The following PAPPA2 variants were observed in gnomAD, a reference collection of about 807,000 sequenced individuals.
The protein encoded by PAPPA2 is pappalysin 2, also known as pappalysin-2.
A neutral mutation model predicts 176.4 loss-of-function variants in PAPPA2; 86 were observed. The ratio of observed to expected loss-of-function variants is 0.49; its 90% CI spans 0.41 to 0.58. The LOEUF (loss-of-function observed/expected upper bound fraction) is 0.58, where lower values mean the gene tolerates loss of function less well. Ranked by LOEUF, PAPPA2 falls within the 20% of genes least tolerant of loss-of-function variation. The pLI is 0.00. For missense variants in PAPPA2, 2,073 were observed against 2,256.9 expected (o/e 0.92, Z 1.65); for synonymous variants, 809 against 852.2 (o/e 0.95, Z 0.88).
intron 3 of PAPPA2, among the ~76,000 whole-genome samples, chr1:176,666,647 C>T (rs941014747): frequency 6.9e-6 from 1 of 145,704 alleles, no homozygotes; most frequent in Admixed American, 6.8e-5. Context: ...GACCCAGTGA[C>T]CCAGTGATAG....
intron 3 of PAPPA2, among the ~76,000 whole-genome samples, chr1:176,644,877 G>A (rs1657308371): frequency 6.6e-6 from 1 of 151,806 alleles, no homozygotes; most frequent in South Asian, 2.1e-4. Context: ...GAAGAAATAT[G>A]CATGCAATTT....
chr1:176,631,498 A>G (rs1656336631), intron 3 of PAPPA2, among the ~76,000 whole-genome samples: 1 of 152,180 alleles, frequency 6.6e-6, no homozygotes, highest in Non-Finnish European at 1.5e-5. Flanking sequence ...TGCACTAAAA[A>G]CATTGAATTG....
At chr1:176,694,042 G>A (rs1432266499) in intron 6 of PAPPA2, among the ~76,000 whole-genome samples, 1 of 152,158 alleles carries the variant, frequency 6.6e-6, no homozygotes, top group Non-Finnish European at 1.5e-5. Flanking sequence ...CTGCAGTTTT[G>A]AGACCTCCCA....
intron 21 of PAPPA2, among the ~76,000 whole-genome samples, chr1:176,804,779 CTG>C (rs986207400): frequency 2.0e-5 from 3 of 152,290 alleles, no homozygotes; most frequent in African/African-American, 7.2e-5. Context: ...TTTGAAATAA[CTG>C]GGGCTCAGAA....
At chr1:176,544,931 G>A (rs1380480378) in intron 1 of PAPPA2, among the ~76,000 whole-genome samples, 1 of 152,122 alleles carries the variant, frequency 6.6e-6, no homozygotes, top group East Asian at 1.9e-4. Flanking sequence ...ATATGGCAAG[G>A]TATGGGGAAG....
chr1:176,761,563 A>C (rs1237403430), intron 14 of PAPPA2, among the ~76,000 whole-genome samples: 1 of 152,222 alleles, frequency 6.6e-6, no homozygotes, highest in Non-Finnish European at 1.5e-5. Context: ...TTGGACTATT[A>C]GATATGCTAT....
At chr1:176,714,544 G>A (rs1413079387) in intron 12 of PAPPA2, among the ~76,000 whole-genome samples, 4 of 152,046 alleles carry the variant, frequency 2.6e-5, no homozygotes, top group Non-Finnish European at 5.9e-5. Context: ...AATAAAACCT[G>A]TTTTTTAATG....
At position 176,816,152 on chromosome 1, in the gene PAPPA2, GTATATATATATATATATATATATATATA is replaced by G. The variant is rs373739173; in HGVS notation, c.5202+16038_5202+16065del. Among the ~76,000 whole-genome samples, 29 of 42,280 alleles carry G rather than the reference GTATATATATATATATATATATATATATA, an allele frequency of 6.9e-4. 1 individual carries two copies. The highest frequency in any genetic ancestry group is 6.1e-3 in the South Asian group (5 of 818). 27.7% of individuals were successfully genotyped at this position (42,280 alleles called of 152,430 possible). On this transcript the variant is annotated intron_variant, in intron 21 of 22. Transcript: ENST00000367662. ...CTGAGATTTATTTTCCTTTCACAGTGTATATATATATATATATATATATATATATATATATATATATATATGTACACAT... is the reference window on the plus strand; with the variant it reads ...CTGAGATTTATTTTCCTTTCACAGTGTATATATATATATATATGTACACAT...
intron 12 of PAPPA2, among the ~76,000 whole-genome samples, chr1:176,715,450 T>A (rs553421311): frequency 2.0e-5 from 3 of 152,256 alleles, no homozygotes; most frequent in African/African-American, 7.2e-5. Context: ...ACAGACCCAA[T>A]GTGGCTGCAA....
rs556880212 is a variant in PAPPA2 at position 176,731,609 on chromosome 1, G to A, written c.3799-8017G>A. ...TTACAGAAGTGAGCCACCATGCCCG[G>A]CATAATGTAATACTTTGAGATATAT... On this transcript the variant is annotated intron_variant, in intron 12 of 22. Coordinates refer to ENST00000367662, the MANE Select transcript of PAPPA2 (RefSeq NM_020318.3). Among the ~76,000 whole-genome samples the A allele has an allele frequency of 4.6e-5, 7 of 151,676 alleles. No homozygotes were observed. The South Asian group carries it at 6.2e-4, about 13-fold the overall frequency.
At chr1:176,727,181 C>T (rs545465252) in intron 12 of PAPPA2, among the ~76,000 whole-genome samples, 141 of 151,996 alleles carry the variant, frequency 9.3e-4, no homozygotes, top group Non-Finnish European at 1.4e-3. Context: ...TTGTTGGAAA[C>T]AACAGAAAAT....
chr1:176,466,995 A>G (rs560696393), intron 1 of PAPPA2, among the ~76,000 whole-genome samples: 3 of 152,324 alleles, frequency 2.0e-5, no homozygotes, highest in African/African-American at 2.4e-5. Context: ...GTATCGCTTA[A>G]TGATGGAAAT....
intron 12 of PAPPA2, among the ~76,000 whole-genome samples, chr1:176,714,532 A>G (rs1265487588): frequency 6.6e-6 from 1 of 152,168 alleles, no homozygotes; most frequent in Non-Finnish European, 1.5e-5. Flanking sequence ...ACACCTCTCC[A>G]GAATAAAACC....
chr1:176,699,404 G>T lies in PAPPA2; in HGVS notation c.3051G>T (p.Val1017=), dbSNP rs764123725. The T allele has an allele frequency of 3.8e-5, 61 of 1,614,094 alleles. No homozygotes were observed. The highest frequency in any genetic ancestry group is 5.1e-5 in the Non-Finnish European group (60 of 1,180,042). Residue 1017 remains valine, a synonymous_variant, in exon 8 of 23, where the codon GTG becomes GTT. Transcript: ENST00000367662. ...TCAAACTGCACGTGGATGGGAAGGT[G>T]TCGGGGGTGAAAGTCTACACCTTTG... ...LTIKLHVDGK[V]SGVKVYTFDE... is the part of the protein sequence containing the mutation.
At chr1:176,476,658 GC>G (rs1652142405) in intron 1 of PAPPA2, among the ~76,000 whole-genome samples, 2 of 152,270 alleles carry the variant, frequency 1.3e-5, no homozygotes, top group South Asian at 4.2e-4. Flanking sequence ...ACTTCAAGAA[GC>G]CTTTTCATTT....
rs1667624590 is a variant in PAPPA2 at position 176,845,312 on chromosome 1, C to T, written c.*2858C>T. 1 of 152,158 alleles carries T rather than the reference C, an allele frequency of 6.6e-6. No individual in the cohort carries two copies. The highest frequency in any genetic ancestry group is 1.5e-5 in the Non-Finnish European group (1 of 68,042). 9.4% of individuals were successfully genotyped at this position (152,158 alleles called of 1,614,324 possible). The stretch of plus-strand genomic sequence containing the variant: ...CCAATCAGAAAGGCAGGTAAGGGGA[C>T]AGGGTGAGGAGAATGGGCAGATACT... On this transcript the variant is annotated 3_prime_UTR_variant, in exon 23 of 23. Coordinates refer to ENST00000367662, the MANE Select transcript of PAPPA2 (RefSeq NM_020318.3).
intron 3 of PAPPA2, among the ~76,000 whole-genome samples, chr1:176,634,822 ATAGATAGATAGATAG>A (rs1656576512): frequency 5.6e-5 from 8 of 142,268 alleles, no homozygotes; most frequent in African/African-American, 2.2e-4. Flanking sequence ...AGATAGATAG[ATAGATAGATAGATAG>A]ATAGATAGAT....
intron 1 of PAPPA2, among the ~76,000 whole-genome samples, chr1:176,518,785 A>G (rs1055684821): frequency 1.3e-5 from 2 of 152,178 alleles, no homozygotes; most frequent in Non-Finnish European, 2.9e-5. Flanking sequence ...CAGAATGGAC[A>G]TACATCTCAC....
At chr1:176,663,004 C>T (rs1209975857) in intron 3 of PAPPA2, among the ~76,000 whole-genome samples, 1 of 152,108 alleles carries the variant, frequency 6.6e-6, no homozygotes, top group Admixed American at 6.6e-5. Context: ...ATTTTTGAGT[C>T]AAGAAAAGTA....
Sources: gnomAD v4.1 joint callset for allele counts (sites outside exome capture counted in the v4.1 genomes callset) on GRCh38, gnomAD v4.1.1 for gene constraint, MANE v1.5 for transcripts, NCBI Gene and HGNC (gene_info 2026-07-23, HGNC 2026-07-21) for gene names.